The following TPM4 variants were observed in gnomAD, a reference collection of about 807,000 sequenced individuals.
TPM4 encodes tropomyosin 4.
Under a neutral mutation model 35.8 loss-of-function variants are expected in TPM4, and 17 were observed. The ratio of observed to expected loss-of-function variants is 0.47; its 90% CI spans 0.32 to 0.71. The LOEUF (loss-of-function observed/expected upper bound fraction) is 0.71, where lower values mean the gene tolerates loss of function less well. Among genes scored for constraint, TPM4 ranks in the 30% least tolerant of loss-of-function variants. TPM4 has a pLI of 0.03. For missense variants in TPM4, 240 were observed against 320.9 expected (o/e 0.75, Z 1.93); for synonymous variants, 120 against 122.9 (o/e 0.98, Z 0.15).
Position 16,076,804 on chromosome 19 carries a change from C to G in TPM4, c.132+107C>G, listed in dbSNP as rs1225499115. The G allele has an allele frequency of 1.9e-5, 24 of 1,265,580 alleles. No individual in the cohort carries two copies. In the Middle Eastern group the frequency reaches 9.2e-4, roughly 49 times the overall value. The allele number at this position is 1,265,580 out of a possible 1,614,324, so 78.4% of individuals were successfully genotyped here. ...CGCCCGCGCGCAGTCCTCGGGCCGC[C>G]TTTTTACGCCCTCGGACGCCGATCG... On this transcript the variant is annotated intron_variant, in intron 1 of 7. Transcript: ENST00000643579.
chr19:16,071,825 C>T (rs1459505072), upstream of TPM4, among the ~76,000 whole-genome samples: 2 of 152,212 alleles, frequency 1.3e-5, no homozygotes, highest in East Asian at 3.9e-4. Context: ...GCCCACTCCC[C>T]TCCCAGGGCA....
rs1242058887 is a variant in TPM4 at position 16,070,007 on chromosome 19, G to A, written c.114+2269G>A. ...CACGGCATGTGTGTGTGTGTGTGTGGTGGGGGCCCAGGGCTGTGACCTGCT... is the reference window on the plus strand; with the variant it reads ...CACGGCATGTGTGTGTGTGTGTGTGATGGGGGCCCAGGGCTGTGACCTGCT... On this transcript the variant is annotated intron_variant, in intron 2 of 2. Coordinates refer to the TPM4 transcript ENST00000589897. The surrounding 1 kb of genome is among the most constrained non-coding windows in gnomAD (Gnocchi z 7.4). 6.6e-6 allele frequency among the ~76,000 whole-genome samples: 1 copy of A among 151,704 alleles called. No homozygotes were observed. Among genetic ancestry groups the A allele is most frequent in the Non-Finnish European group, 1.5e-5 (1 of 67,956 alleles).
chr19:16,092,578 C>T (rs1407077669), intron 5 of TPM4, among the ~76,000 whole-genome samples: 1 of 151,810 alleles, frequency 6.6e-6, no homozygotes, highest in Admixed American at 6.6e-5. Context: ...TCCATCGCCC[C>T]AGGCTGGAGT....
chr19:16,075,740 T>G (rs910455624), upstream of TPM4: 2 of 289,384 alleles, frequency 6.9e-6, no homozygotes, highest in Non-Finnish European at 1.3e-5. Context: ...CTGGAATGTG[T>G]GTATTTCTGG....
intron 2 of TPM4, among the ~76,000 whole-genome samples, chr19:16,069,969 C>T (rs935726841): frequency 2.0e-5 from 3 of 151,208 alleles, no homozygotes; most frequent in African/African-American, 4.9e-5. Context: ...TGGGCACCTG[C>T]CCAGGAGAAT....
upstream of TPM4, chr19:16,075,555 C>T (rs2090394969): frequency 6.4e-6 from 1 of 155,172 alleles, no homozygotes; most frequent in African/African-American, 2.4e-5. Context: ...CATAGGGAGC[C>T]ATAGCAGGTT....
chr19:16,083,692 C>G (rs2090513677), intron 2 of TPM4, among the ~76,000 whole-genome samples: 2 of 146,048 alleles, frequency 1.4e-5, no homozygotes, highest in African/African-American at 2.8e-5. Context: ...CTCATTCACA[C>G]CGGAGTTCTC....
At chr19:16,091,979 G>C (rs2090632362) in intron 5 of TPM4, among the ~76,000 whole-genome samples, 1 of 151,200 alleles carries the variant, frequency 6.6e-6, no homozygotes, top group South Asian at 2.1e-4. Context: ...CAGCCTGGCT[G>C]GCCATCGTAG....
At chr19:16,095,278 C>A in intron 7 of TPM4, 1 of 1,028,484 alleles carries the variant, frequency 9.7e-7, no homozygotes, top group South Asian at 4.4e-5. Flanking sequence ...GTTATACGCT[C>A]AGAAGCTCAA....
chr19:16,086,553 G>A lies in TPM4; in HGVS notation c.384+13G>A, dbSNP rs372002941. 207 of 1,604,492 alleles carry A rather than the reference G, an allele frequency of 1.3e-4. No individual in the cohort carries two copies. Among genetic ancestry groups the A allele is most frequent in the South Asian group, 3.7e-4 (33 of 90,292 alleles). On this transcript the variant is annotated intron_variant, in intron 3 of 7. Coordinates refer to ENST00000643579, the MANE Select transcript of TPM4 (RefSeq NM_003290.3). ...CAAATACGAGGAGGTGAGTGGGGCT[G>A]GCAGATGGCGCAGCAGCAGGAAGTG...
At chr19:16,082,861 G>A (rs1248180389) in intron 2 of TPM4, among the ~76,000 whole-genome samples, 2 of 152,080 alleles carry the variant, frequency 1.3e-5, no homozygotes, top group Non-Finnish European at 2.9e-5. Context: ...GTGTGGTGGT[G>A]CACGCCTGTA....
intron 7 of TPM4, among the ~76,000 whole-genome samples, chr19:16,094,055 C>T (rs2090664174): frequency 6.7e-6 from 1 of 149,710 alleles, no homozygotes; most frequent in Non-Finnish European, 1.5e-5. Flanking sequence ...ACCTGCGCCT[C>T]CCGGGTTCAA....
chr19:16,081,765 T>C, intron 1 of TPM4, 148 bp from the exon 2 acceptor site: 2 of 1,037,296 alleles, frequency 1.9e-6, no homozygotes, highest in Non-Finnish European at 2.6e-6. Context: ...ACTGAAATTT[T>C]GGTATGAGTG....
intron 1 of TPM4, chr19:16,077,448 C>A (rs908063501): frequency 1.3e-5 from 2 of 152,178 alleles, no homozygotes; most frequent in Non-Finnish European, 2.9e-5. Flanking sequence ...GCGCCTCCGC[C>A]GCGAGTCGCA....
intron 1 of TPM4, 64 bp from the exon 2 acceptor site, chr19:16,081,849 G>A (rs1189022040): frequency 4.0e-6 from 6 of 1,506,122 alleles, no homozygotes; most frequent in East Asian, 4.6e-5. Flanking sequence ...CAGGACATGG[G>A]GGAGGCTCCC....
At chr19:16,087,927 TA>T (rs758567527) in intron 3 of TPM4, 99 bp from the exon 4 acceptor site, 221 of 1,256,300 alleles carry the variant, frequency 1.8e-4, no homozygotes, top group Non-Finnish European at 2.2e-4. Flanking sequence ...GCAGCTGGTC[TA>T]GGGGTCTGGG....
Position 16,076,687 on chromosome 19 carries a change from G to C in TPM4, c.122G>C (p.Arg41Pro). 1 of 1,361,062 alleles carries C rather than the reference G, an allele frequency of 7.3e-7. No individual in the cohort carries two copies. The highest frequency in any genetic ancestry group is 9.5e-7 in the Non-Finnish European group (1 of 1,057,866). The allele number at this position is 1,361,062 out of a possible 1,614,324, so 84.3% of individuals were successfully genotyped here. Residue 41 changes from arginine (R) to proline (P), a missense_variant, in exon 1 of 8, where the codon CGG becomes CCG. Physicochemically the swap from Arg to Pro is moderately radical, Grantham distance 103. Transcript: ENST00000643579. The part of the protein sequence containing the change: ...LQRELDGERE[R>P]REKAEGDVAA... ...CGGGAGCTGGACGGCGAGCGCGAGC[G>C]GCGCGAGAAAGTGAGCGCCCCGGCC...
rs1484689537 is a variant in TPM4 at position 16,068,104 on chromosome 19, TATGTGTGTGTAC to T, written c.114+367_114+378del. ...GTGTGTATTTGCGTGTGTTTGAGCG[TATGTGTGTGTAC>T]GTGTGTGTGTACGTGTGTGCGTGTT... On this transcript the variant is annotated intron_variant, in intron 2 of 2. Transcript: ENST00000589897. 3.2e-5 allele frequency: 11 copies of T among 346,854 alleles called. No individual in the cohort carries two copies. The Admixed American group carries it at 3.9e-4, about 12-fold the overall frequency. The allele number at this position is 346,854 out of a possible 1,614,324, so 21.5% of individuals were successfully genotyped here.
intron 7 of TPM4, among the ~76,000 whole-genome samples, chr19:16,094,897 C>T (rs2090675591): frequency 1.3e-5 from 2 of 151,988 alleles, no homozygotes; most frequent in South Asian, 4.2e-4. Context: ...AGTGAGGTTC[C>T]CATATAAGGG....
Sources: gnomAD v4.1 joint callset for allele counts (sites outside exome capture counted in the v4.1 genomes callset) on GRCh38, gnomAD v4.1.1 for gene constraint, Gnocchi (gnomAD v3.1) non-coding constraint, MANE v1.5 for transcripts, NCBI Gene and HGNC (gene_info 2026-07-23, HGNC 2026-07-21) for gene names.